The following MPZL1 variants were observed in gnomAD, a reference collection of about 807,000 sequenced individuals.
The protein encoded by MPZL1 is myelin protein zero-like protein 1.
MPZL1 carries 16 observed loss-of-function variants against 29.3 expected under a neutral mutation model. The observed-to-expected ratio is 0.55, with a 90% CI of 0.37 to 0.83. MPZL1 has a LOEUF of 0.83. Among genes scored for constraint, MPZL1 ranks in the 40% least tolerant of loss-of-function variants. The pLI, the probability that MPZL1 is intolerant of heterozygous loss-of-function variation, is 0.00. For synonymous variants in MPZL1, 143 were observed against 132.0 expected, an observed-to-expected ratio of 1.08 and a Z score of -0.57; for missense variants, 279 against 332.9, an observed-to-expected ratio of 0.84 and a Z score of 1.26.
chr1:167,748,826 A>G (rs1226546646), intron 1 of MPZL1, among the ~76,000 whole-genome samples: 1 of 152,164 alleles, frequency 6.6e-6, no homozygotes, highest in Non-Finnish European at 1.5e-5. Context: ...CTTTTCATTT[A>G]ATAATATCTT....
chr1:167,760,466 G>T (rs1313023914), intron 1 of MPZL1, among the ~76,000 whole-genome samples: 1 of 152,124 alleles, frequency 6.6e-6, no homozygotes, highest in African/African-American at 2.4e-5. Flanking sequence ...GCCTCCCAAA[G>T]TGCTGGGATT....
chr1:167,745,464 G>A (rs1290786502), intron 1 of MPZL1, among the ~76,000 whole-genome samples: 3 of 151,936 alleles, frequency 2.0e-5, no homozygotes, highest in African/African-American at 4.8e-5. Flanking sequence ...TTAAAAACAC[G>A]GAAAATACTT....
intron 2 of MPZL1, among the ~76,000 whole-genome samples, chr1:167,769,415 T>C (rs1661192512): frequency 6.6e-6 from 1 of 152,194 alleles, no homozygotes; most frequent in African/African-American, 2.4e-5. Flanking sequence ...AGAATAGTGT[T>C]CCCTGAGCTT....
intron 1 of MPZL1, among the ~76,000 whole-genome samples, chr1:167,756,350 C>G (rs1015013224): frequency 1.8e-4 from 28 of 151,370 alleles, no homozygotes; most frequent in African/African-American, 6.5e-4. Flanking sequence ...GGTCTTGAAA[C>G]TCCAGGGCTC....
Position 167,791,730 on chromosome 1 carries a change from G to A in MPZL1, c.*3809G>A, listed in dbSNP as rs1461022513. ...CAAATAAATGTGCTGAAATGCAGTT[G>A]CAGTTTTCTCCCAGTCCCTTAGGAG... On this transcript the variant is annotated 3_prime_UTR_variant, in exon 6 of 6. Coordinates refer to ENST00000359523, the MANE Select transcript of MPZL1 (RefSeq NM_003953.6). The A allele has an allele frequency of 6.6e-6, 1 of 152,180 alleles. No individual in the cohort carries two copies. The highest frequency in any genetic ancestry group is 1.5e-5 in the Non-Finnish European group (1 of 68,036). The allele number at this position is 152,180 out of a possible 1,614,324, so 9.4% of individuals were successfully genotyped here.
At position 167,722,147 on chromosome 1, in the gene MPZL1, G is replaced by A. The variant is rs1660041510; in HGVS notation, c.-5G>A. Reference sequence around the variant, plus strand: ...GGCGGCGGCGGCGACTGCAGTGGCTGGACGATGGCAGCGTCCGCCGGAGCC... The same window carrying A: ...GGCGGCGGCGGCGACTGCAGTGGCTAGACGATGGCAGCGTCCGCCGGAGCC... On this transcript the variant is annotated 5_prime_UTR_variant, in exon 1 of 6. Coordinates refer to ENST00000359523, the MANE Select transcript of MPZL1 (RefSeq NM_003953.6). 1 of 1,235,946 alleles carries A rather than the reference G, an allele frequency of 8.1e-7. No individual in the cohort carries two copies. Among genetic ancestry groups the A allele is most frequent in the Non-Finnish European group, 1.0e-6 (1 of 988,956 alleles). 76.6% of individuals were successfully genotyped at this position (1,235,946 alleles called of 1,614,324 possible). A position where few individuals can be genotyped will look rare whatever the true frequency, so the allele number is the denominator to read the frequency against.
At chr1:167,765,470 G>A in intron 1 of MPZL1, 113 bp from the exon 2 acceptor site, 1 of 777,866 alleles carries the variant, frequency 1.3e-6, no homozygotes, top group Non-Finnish European at 2.0e-6. Flanking sequence ...TAATGGCAGT[G>A]AATTACTGTA....
At chr1:167,771,911 G>A (rs987538423) in intron 2 of MPZL1, among the ~76,000 whole-genome samples, 9 of 152,138 alleles carry the variant, frequency 5.9e-5, no homozygotes, top group African/African-American at 2.2e-4. Context: ...AACACTCCAG[G>A]TCAGGAGCTG....
intron 5 of MPZL1, among the ~76,000 whole-genome samples, chr1:167,786,226 A>G (rs1335726088): frequency 1.3e-5 from 2 of 152,232 alleles, no homozygotes; most frequent in Admixed American, 6.5e-5. Flanking sequence ...GACAGCCATT[A>G]TAGACTAAAG....
intron 1 of MPZL1, among the ~76,000 whole-genome samples, chr1:167,722,772 G>A (rs1235704720): frequency 2.0e-5 from 3 of 152,136 alleles, no homozygotes; most frequent in Non-Finnish European, 4.4e-5. Flanking sequence ...TCAGTTTTAA[G>A]TCTCCGTAAT....
At position 167,744,639 on chromosome 1, in the gene MPZL1, G is replaced by A. The variant is rs545526670; in HGVS notation, c.92-20944G>A. On this transcript the variant is annotated intron_variant, in intron 1 of 5. Coordinates refer to ENST00000359523, the MANE Select transcript of MPZL1 (RefSeq NM_003953.6). ...TCAGAGGTTGCAGTGAGCCGAGATC[G>A]CACCACTTCACTCCAGCCTGGGCGA... Among the ~76,000 whole-genome samples the A allele has an allele frequency of 1.6e-3, 230 of 142,546 alleles. 1 individual carries two copies. The highest frequency in any genetic ancestry group is 2.7e-3 in the Non-Finnish European group (182 of 67,114). The allele number at this position is 142,546 out of a possible 152,430, so 93.5% of individuals were successfully genotyped here.
intron 2 of MPZL1, 39 bp from the exon 3 acceptor site, chr1:167,772,236 T>C (rs1420306350): frequency 3.3e-6 from 5 of 1,523,724 alleles, no homozygotes; most frequent in Non-Finnish European, 4.5e-6. Context: ...GAATTCTGCC[T>C]TTGAGAATAG....
At chr1:167,786,637 T>G (rs1412237449) in intron 5 of MPZL1, among the ~76,000 whole-genome samples, 2 of 152,214 alleles carry the variant, frequency 1.3e-5, no homozygotes, top group East Asian at 3.8e-4. Flanking sequence ...CCCTTACAAC[T>G]GGGCCTGTCC....
In MPZL1 at chr1:167,765,733, C is replaced by A. The variant is rs757960465; in HGVS notation, c.242C>A (p.Ala81Asp). 3 of 1,610,502 alleles carry A rather than the reference C, an allele frequency of 1.9e-6. No individual in the cohort carries two copies. The African/African-American group carries it at 4.0e-5, about 22-fold the overall frequency. Reference protein sequence around the residue: ...SVSWSFQPEGADTTVSFFHYS... With the variant: ...SVSWSFQPEGDDTTVSFFHYS... ...TCCTGGAGCTTCCAGCCAGAGGGGGCCGACACTACTGTGTCGGTAAGAATG... is the reference window on the plus strand; with the variant it reads ...TCCTGGAGCTTCCAGCCAGAGGGGGACGACACTACTGTGTCGGTAAGAATG... The change falls in exon 2 of 6, where the codon GCC becomes GAC. Residue 81 changes from alanine (A) to aspartate (D), a missense_variant. Ala to Asp is a moderately radical substitution (Grantham distance 126). Coordinates refer to ENST00000359523, the MANE Select transcript of MPZL1 (RefSeq NM_003953.6).
At chr1:167,774,480 CT>C (rs1344599930) in intron 4 of MPZL1, 1 of 152,452 alleles carries the variant, frequency 6.6e-6, no homozygotes, top group Non-Finnish European at 1.5e-5. Flanking sequence ...TCAGATATTA[CT>C]TGCTTGGAAT....
chr1:167,733,782 G>A (rs544991225), intron 1 of MPZL1, among the ~76,000 whole-genome samples: 2 of 151,754 alleles, frequency 1.3e-5, no homozygotes, highest in Non-Finnish European at 2.9e-5. Flanking sequence ...GCGTGAGCCT[G>A]TAGTCCTAGG....
chr1:167,735,656 G>A (rs1660362835), intron 1 of MPZL1, among the ~76,000 whole-genome samples: 1 of 152,104 alleles, frequency 6.6e-6, no homozygotes, highest in Non-Finnish European at 1.5e-5. Context: ...GAGACCTAGG[G>A]AAAAGTTGCA....
Position 167,788,027 on chromosome 1 carries a change from CAAG to C in MPZL1, c.*107_*109del. ...GTAGCCTTGGAGACCCAGGCAAGGA[CAAG>C]TACACGTGTACTCACAGAGGGAGAG... On this transcript the variant is annotated 3_prime_UTR_variant, in exon 6 of 6. Transcript: ENST00000359523. 2.4e-6 allele frequency: 2 copies of C among 817,362 alleles called. No individual in the cohort carries two copies. Among genetic ancestry groups the C allele is most frequent in the Non-Finnish European group, 4.2e-6 (2 of 478,496 alleles). The allele number at this position is 817,362 out of a possible 1,614,324, so 50.6% of individuals were successfully genotyped here.
At chr1:167,722,512 GGGGGGC>G (rs1660055256) in intron 1 of MPZL1, among the ~76,000 whole-genome samples, 1 of 151,286 alleles carries the variant, frequency 6.6e-6, no homozygotes, top group African/African-American at 2.5e-5. Flanking sequence ...GCTCCTTCCC[GGGGGGC>G]GGTCCAGGGG....
Sources: gnomAD v4.1 joint callset for allele counts (sites outside exome capture counted in the v4.1 genomes callset) on GRCh38, gnomAD v4.1.1 for gene constraint, MANE v1.5 for transcripts, NCBI Gene and HGNC (gene_info 2026-07-23, HGNC 2026-07-21) for gene names.